Variants in SNRNP40 observed in about 807,000 individuals in gnomAD.
SNRNP40 encodes small nuclear ribonucleoprotein U5 subunit 40.
Under a neutral mutation model 45.8 loss-of-function variants are expected in SNRNP40, and 21 were observed. The ratio of observed to expected loss-of-function variants is 0.46; its 90% CI spans 0.32 to 0.66. The LOEUF is 0.66. Ranked by LOEUF, SNRNP40 falls within the 30% of genes least tolerant of loss-of-function variation. The pLI is 0.03. For missense variants in SNRNP40, 344 were observed against 439.1 expected (o/e 0.78, Z 1.94); for synonymous variants, 142 against 163.8 (o/e 0.87, Z 1.01).
intron 4 of SNRNP40, chr1:31,282,548 TG>T (rs1182903275): frequency 6.7e-6 from 1 of 150,268 alleles, no homozygotes. Context: ...ACTCTCCCTC[TG>T]TCGCCTAGGC....
intron 5 of SNRNP40, among the ~76,000 whole-genome samples, chr1:31,276,259 A>G (rs12131841): frequency 0.14 from 21,410 of 152,236 alleles, 1,647 homozygotes; most frequent in African/African-American, 0.17. Flanking sequence ...GCTAGCAATT[A>G]ATTGGCAAAT....
chr1:31,263,646 T>C (rs1645876494), intron 8 of SNRNP40: 1 of 457,800 alleles, frequency 2.2e-6, no homozygotes, highest in Non-Finnish European at 4.3e-6. Context: ...CTGAAGACTG[T>C]GTCCCAAAGT....
At position 31,271,391 on chromosome 1, in the gene SNRNP40, T is replaced by C; in HGVS notation, c.763A>G (p.Met255Val). The change falls in exon 6 of 10, where the codon ATG becomes GTG. Residue 255 changes from methionine to valine, a missense_variant. This residue lies in a region of SNRNP40 where 254 missense variants were observed against 380.2 expected (regional missense o/e 0.67). Transcript: ENST00000263694. Reference sequence around the variant, plus strand: ...TTTCCAAAGTTACCTGTATTGTCCATTGCATTGGACAAAAGATAAGAGCCT... The same window carrying C: ...TTTCCAAAGTTACCTGTATTGTCCACTGCATTGGACAAAAGATAAGAGCCT... ...SEGSYLLSNA[M>V]DNTVRVWDVR... The C allele has an allele frequency of 6.2e-7, 1 of 1,612,672 alleles. No homozygotes were observed. The highest frequency in any genetic ancestry group is 8.5e-7 in the Non-Finnish European group (1 of 1,179,554).
intron 4 of SNRNP40, among the ~76,000 whole-genome samples, chr1:31,285,012 C>T (rs1646046951): frequency 6.6e-6 from 1 of 152,126 alleles, no homozygotes; most frequent in South Asian, 2.1e-4. Flanking sequence ...TAATCTTTGT[C>T]TCAATAGATA....
intron 2 of SNRNP40, 22 bp from the exon 3 acceptor site, chr1:31,292,028 T>C (rs771240641): frequency 2.7e-6 from 4 of 1,456,898 alleles, no homozygotes; most frequent in Non-Finnish European, 3.9e-6. Context: ...ATGGGTTCTG[T>C]GAGCATTACT....
chr1:31,292,471 C>T (rs1646114468), intron 2 of SNRNP40, among the ~76,000 whole-genome samples: 1 of 152,228 alleles, frequency 6.6e-6, no homozygotes, highest in African/African-American at 2.4e-5. Flanking sequence ...GCAATCCAGA[C>T]GTTTGGCCAC....
intron 3 of SNRNP40, among the ~76,000 whole-genome samples, chr1:31,290,456 C>T (rs753485320): frequency 6.6e-6 from 1 of 152,128 alleles, no homozygotes; most frequent in Non-Finnish European, 1.5e-5. Context: ...AATGTAATTA[C>T]TTTTGTATAG....
At chr1:31,263,632 T>C in intron 8 of SNRNP40, 2 of 466,446 alleles carry the variant, frequency 4.3e-6, no homozygotes, top group East Asian at 7.0e-5. Flanking sequence ...TCATCTAGGC[T>C]CTCCTGAAGA....
At position 31,289,430 on chromosome 1, in the gene SNRNP40, A is replaced by T; in HGVS notation, c.366-11T>A. On this transcript the variant is annotated splice_polypyrimidine_tract_variant and intron_variant, in intron 3 of 9. Transcript: ENST00000263694. ...GCTGAGAAAAGCATACTAGAAAGTA[A>T]GAGAAAGAATAAAAAAGAAATAAGT... 6.2e-7 allele frequency: 1 copy of T among 1,607,348 alleles called. No individual in the cohort carries two copies.
intron 1 of SNRNP40, among the ~76,000 whole-genome samples, chr1:31,296,307 C>T (rs181451710): frequency 6.6e-6 from 1 of 152,292 alleles, no homozygotes; most frequent in African/African-American, 2.4e-5. Flanking sequence ...TTGTTCTATG[C>T]CAGATCCATG....
intron 5 of SNRNP40, among the ~76,000 whole-genome samples, chr1:31,277,045 A>AC (rs1368773862): frequency 6.6e-6 from 1 of 151,990 alleles, no homozygotes; most frequent in African/African-American, 2.4e-5. Context: ...AAAAAAAAAA[A>AC]ATTTAGCTGG....
chr1:31,275,485 G>A (rs911782509), intron 5 of SNRNP40, among the ~76,000 whole-genome samples: 1 of 152,040 alleles, frequency 6.6e-6, no homozygotes, highest in African/African-American at 2.4e-5. Flanking sequence ...CACCTCCCGG[G>A]TTCAAGCGAT....
intron 6 of SNRNP40, among the ~76,000 whole-genome samples, chr1:31,269,832 T>G (rs1372333419): frequency 6.6e-6 from 1 of 152,132 alleles, no homozygotes; most frequent in Non-Finnish European, 1.5e-5. Flanking sequence ...AACAGTGAGA[T>G]TGTTTGTGTC....
intron 8 of SNRNP40, among the ~76,000 whole-genome samples, chr1:31,266,734 A>C (rs928300108): frequency 1.3e-5 from 2 of 152,226 alleles, no homozygotes; most frequent in Non-Finnish European, 2.9e-5. Flanking sequence ...GCTCTGAATC[A>C]TCTCCAACAC....
At chr1:31,281,296 C>A in intron 5 of SNRNP40, 78 bp downstream of exon 5, 1 of 1,280,150 alleles carries the variant, frequency 7.8e-7, no homozygotes, top group Non-Finnish European at 1.1e-6. Context: ...AAAGCTACCA[C>A]AATCTCAGAA....
At chr1:31,263,266 AT>A (rs1645873436) in intron 8 of SNRNP40, 1 of 152,414 alleles carries the variant, frequency 6.6e-6, no homozygotes, top group South Asian at 2.1e-4. Flanking sequence ...TAGAGCCAGT[AT>A]TTTTATCATC....
intron 8 of SNRNP40, among the ~76,000 whole-genome samples, chr1:31,267,368 A>G (rs2148381139): frequency 6.6e-6 from 1 of 152,284 alleles, no homozygotes; most frequent in Non-Finnish European, 1.5e-5. Flanking sequence ...TAGGTCTAAA[A>G]TGTCTCCAAA....
chr1:31,295,358 G>T (rs533267288), intron 1 of SNRNP40, among the ~76,000 whole-genome samples: 1 of 107,976 alleles, frequency 9.3e-6, no homozygotes, highest in East Asian at 2.1e-4. Context: ...AACAAAAAAA[G>T]AGAGAGAGAG....
intron 4 of SNRNP40, among the ~76,000 whole-genome samples, chr1:31,288,878 C>T (rs7552178): frequency 0.55 from 83,164 of 151,866 alleles, 23,735 homozygotes; most frequent in Non-Finnish European, 0.63. Flanking sequence ...ACTACAGGTG[C>T]CCGCCATCAC....
Sources: allele counts gnomAD v4.1 joint callset (sites outside exome capture counted in the v4.1 genomes callset), GRCh38; gene constraint gnomAD v4.1.1; regional missense constraint gnomAD v4.1.1; transcripts MANE v1.5; gene names NCBI Gene and HGNC (gene_info 2026-07-23, HGNC 2026-07-21).